The following BCHE variants were observed in gnomAD, a reference collection of about 807,000 sequenced individuals.
The protein encoded by BCHE is butyrylcholinesterase.
BCHE carries 48 observed loss-of-function variants against 51.3 expected under a neutral mutation model. The ratio of observed to expected loss-of-function variants is 0.94; its 90% confidence interval spans 0.74 to 1.19. BCHE has a LOEUF of 1.19. Among genes scored for constraint, BCHE ranks in the 50% most tolerant of loss-of-function variants. BCHE has a pLI of 0.00. For missense variants in BCHE, 847 were observed against 708.2 expected, an observed-to-expected ratio of 1.20 and a Z score of -2.23; for synonymous variants, 251 against 238.0, an observed-to-expected ratio of 1.05 and a Z score of -0.50.
chr3:165,792,057 G>T (rs1391799603), intron 2 of BCHE, among the ~76,000 whole-genome samples: 2 of 152,078 alleles, frequency 1.3e-5, no homozygotes, highest in Non-Finnish European at 2.9e-5. Flanking sequence ...TACGCAGCTG[G>T]AAATTTGTAG....
intron 1 of BCHE, among the ~76,000 whole-genome samples, chr3:165,835,218 A>G (rs1414714782): frequency 6.6e-6 from 1 of 151,782 alleles, no homozygotes; most frequent in Non-Finnish European, 1.5e-5. Flanking sequence ...TTTTAATTCA[A>G]TTTTGAAAGT....
At position 165,831,171 on chromosome 3, in the gene BCHE, T is replaced by TACATA. The variant is rs1226846027; in HGVS notation, c.-8-131_-8-130insTATGT. ...TTATGAAAACAAATAAACCTGCTTC[T>TACATA]GTAAAGGCCTACATAGGAAAAAATA... is the stretch of plus-strand genomic sequence containing the variant. On this transcript the variant is annotated intron_variant, in intron 1 of 3. Coordinates refer to ENST00000264381, the MANE Select transcript of BCHE (RefSeq NM_000055.4). 11 of 819,184 alleles carry TACATA rather than the reference T, an allele frequency of 1.3e-5. No homozygotes were observed. The East Asian group carries it at 3.0e-4, about 22-fold the overall frequency. 50.7% of individuals were successfully genotyped at this position (819,184 alleles called of 1,614,324 possible).
At chr3:165,788,808 C>T (rs770660120) in intron 2 of BCHE, among the ~76,000 whole-genome samples, 2 of 152,096 alleles carry the variant, frequency 1.3e-5, no homozygotes, top group African/African-American at 2.4e-5. Context: ...TATGAAATAA[C>T]TCATGACATA....
Position 165,830,336 on chromosome 3 carries a change from C to T in BCHE, c.698G>A (p.Ser233Asn). The change falls in exon 2 of 4, where the codon AGC (serine) becomes AAC (asparagine). Residue 233 changes from serine to asparagine, a missense_variant. Ser to Asn is a conservative substitution (Grantham distance 46). Transcript: ENST00000264381. ...GCTTCCAGGAGAAAGCAAATGCAGG[C>T]TAACTGAAGCTGCTCCTGCACTTTC... is the stretch of plus-strand genomic sequence containing the variant. The part of the protein sequence containing the change: ...FGESAGAASV[S>N]LHLLSPGSHS... The T allele has an allele frequency of 6.2e-7, 1 of 1,613,964 alleles. No homozygotes were observed. The highest frequency in any genetic ancestry group is 1.1e-5 in the South Asian group (1 of 91,086).
intron 2 of BCHE, 24 bp from the exon 3 acceptor site, chr3:165,786,335 A>G: frequency 6.3e-7 from 1 of 1,580,624 alleles, no homozygotes; most frequent in East Asian, 2.3e-5. Context: ...TAGAGACATT[A>G]TAGTAAAATT....
chr3:165,795,383 C>T (rs1713337342), intron 2 of BCHE, among the ~76,000 whole-genome samples: 1 of 152,170 alleles, frequency 6.6e-6, no homozygotes, highest in East Asian at 1.9e-4. Context: ...TTAGGAAGGT[C>T]TTTATAACTG....
intron 3 of BCHE, among the ~76,000 whole-genome samples, chr3:165,785,135 G>A (rs796260844): frequency 7.2e-5 from 11 of 151,926 alleles, no homozygotes; most frequent in African/African-American, 2.4e-4. Context: ...ATCAAATACA[G>A]CTCTGAGATG....
At chr3:165,773,550 G>T (rs760819527) in intron 3 of BCHE, 44 bp from the exon 4 acceptor site, 1 of 1,537,224 alleles carries the variant, frequency 6.5e-7, no homozygotes, top group Non-Finnish European at 9.0e-7. Flanking sequence ...ATTTTTATCT[G>T]TTTCATTAAC....
intron 2 of BCHE, among the ~76,000 whole-genome samples, chr3:165,808,828 T>C (rs1237259210): frequency 2.0e-5 from 3 of 152,158 alleles, no homozygotes; most frequent in Admixed American, 2.0e-4. Flanking sequence ...AAAAGACTAA[T>C]TTTGAATCAC....
At chr3:165,793,767 A>T (rs1713260751) in intron 2 of BCHE, among the ~76,000 whole-genome samples, 1 of 152,072 alleles carries the variant, frequency 6.6e-6, no homozygotes, top group South Asian at 2.1e-4. Flanking sequence ...CGTGCAAACC[A>T]TTTTTTACCA....
chr3:165,775,148 C>T (rs994586443), intron 3 of BCHE, among the ~76,000 whole-genome samples: 2 of 151,884 alleles, frequency 1.3e-5, no homozygotes, highest in African/African-American at 4.8e-5. Flanking sequence ...TAAGATATTA[C>T]TTTGGAGGAG....
intron 2 of BCHE, among the ~76,000 whole-genome samples, chr3:165,787,539 T>G: frequency 6.6e-6 from 1 of 151,666 alleles, no homozygotes. Context: ...AATTACCTGA[T>G]GGAATGGGAA....
Position 165,830,168 on chromosome 3 carries a change from A to T in BCHE, c.866T>A (p.Ile289Asn). 6.2e-7 allele frequency: 1 copy of T among 1,613,936 alleles called. No homozygotes were observed. Among genetic ancestry groups the T allele is most frequent in the South Asian group, 1.1e-5 (1 of 91,074 alleles). The change falls in exon 2 of 4, where the codon ATC becomes AAC. Residue 289 changes from isoleucine (I) to asparagine (N), a missense_variant. By Grantham distance (149) the Ile-to-Asn change is moderately radical. Transcript: ENST00000264381. ...GGGATCTTTATTTCTAAGACACTTGATTATTTCAGTCTCATTCTCTCTAGA... is the reference window on the plus strand; with the variant it reads ...GGGATCTTTATTTCTAAGACACTTGTTTATTTCAGTCTCATTCTCTCTAGA... ...GCSRENETEI[I>N]KCLRNKDPQE...
intron 2 of BCHE, among the ~76,000 whole-genome samples, chr3:165,808,845 G>T (rs1405972080): frequency 6.6e-6 from 1 of 151,990 alleles, no homozygotes; most frequent in African/African-American, 2.4e-5. Context: ...TCACATCTAG[G>T]TTGCTATAAA....
Position 165,830,879 on chromosome 3 carries a change from G to T in BCHE, c.155C>A (p.Thr52Lys), listed in dbSNP as rs56309853. ...GGGAATTCCAAGAAAGGCTGTTACC[G>T]TGCCACCAAAAACTGTCAAGTTCAT... ...RGMNLTVFGG[T>K]VTAFLGIPYA... The change falls in exon 2 of 4, where the codon ACG becomes AAG. Residue 52 changes from threonine to lysine, a missense_variant. Thr to Lys is a moderately conservative substitution (Grantham distance 78). Coordinates refer to ENST00000264381, the MANE Select transcript of BCHE (RefSeq NM_000055.4). 1.9e-6 allele frequency: 3 copies of T among 1,613,890 alleles called. No homozygotes were observed. In the Admixed American group the frequency reaches 5.0e-5, roughly 27 times the overall value.
chr3:165,826,572 T>C (rs376990389), intron 2 of BCHE, among the ~76,000 whole-genome samples: 3 of 152,260 alleles, frequency 2.0e-5, no homozygotes, highest in South Asian at 2.1e-4. Flanking sequence ...GAGTTGTACA[T>C]ATTGGTAAAA....
At chr3:165,789,228 G>C (rs1469711476) in intron 2 of BCHE, among the ~76,000 whole-genome samples, 1 of 151,850 alleles carries the variant, frequency 6.6e-6, no homozygotes, top group East Asian at 1.9e-4. Context: ...ATGCTCTACA[G>C]ATCACCCATT....
At chr3:165,792,429 C>T (rs2108207179) in intron 2 of BCHE, among the ~76,000 whole-genome samples, 1 of 152,140 alleles carries the variant, frequency 6.6e-6, no homozygotes. Context: ...AAATAAAGTG[C>T]TTCCATGAGA....
At chr3:165,806,023 T>C (rs1229651829) in intron 2 of BCHE, among the ~76,000 whole-genome samples, 1 of 152,132 alleles carries the variant, frequency 6.6e-6, no homozygotes, top group Non-Finnish European at 1.5e-5. Flanking sequence ...AACACGACCA[T>C]GTGTCTCCTC....
Sources: gnomAD v4.1 joint callset for allele counts (sites outside exome capture counted in the v4.1 genomes callset) on GRCh38, gnomAD v4.1.1 for gene constraint, MANE v1.5 for transcripts, NCBI Gene and HGNC (gene_info 2026-07-23, HGNC 2026-07-21) for gene names.